Variants in DENND1A observed in about 807,000 individuals in gnomAD.
DENND1A encodes the protein DENN domain-containing protein 1A.
In DENND1A, 51 loss-of-function variants were observed where a neutral mutation model predicts 113.7. The ratio of observed to expected loss-of-function variants is 0.45; its 90% CI spans 0.36 to 0.57. The LOEUF (loss-of-function observed/expected upper bound fraction) is 0.57, where lower values mean the gene tolerates loss of function less well. Ranked by LOEUF, DENND1A falls within the 20% of genes least tolerant of loss-of-function variation. The pLI, the probability that DENND1A is intolerant of heterozygous loss-of-function variation, is 0.00. For missense variants in DENND1A, 1,258 were observed against 1,395.9 expected, an observed-to-expected ratio of 0.90 and a Z score of 1.57; for synonymous variants, 565 against 570.8, an observed-to-expected ratio of 0.99 and a Z score of 0.14.
At chr9:123,680,099 T>C (rs374075064) in intron 5 of DENND1A, among the ~76,000 whole-genome samples, 1 of 152,110 alleles carries the variant, frequency 6.6e-6, no homozygotes, top group African/African-American at 2.4e-5. Context: ...AAGTGCTTTA[T>C]TTAGTTTAGG....
At chr9:123,777,321 C>A (rs1830613545) in intron 3 of DENND1A, among the ~76,000 whole-genome samples, 1 of 152,162 alleles carries the variant, frequency 6.6e-6, no homozygotes, top group Non-Finnish European at 1.5e-5. Flanking sequence ...GTGGATCCCC[C>A]TAGATAGTTG....
chr9:123,773,807 T>G (rs1830078521), intron 3 of DENND1A, among the ~76,000 whole-genome samples: 1 of 152,156 alleles, frequency 6.6e-6, no homozygotes, highest in African/African-American at 2.4e-5. Flanking sequence ...TAGTGTCCAC[T>G]GGAGTTACAG....
intron 13 of DENND1A, among the ~76,000 whole-genome samples, chr9:123,483,194 T>C (rs550007540): frequency 1.2e-4 from 19 of 152,242 alleles, no homozygotes; most frequent in Non-Finnish European, 2.4e-4. Context: ...CTGAGTGCTT[T>C]GGAGAGGCAA....
chr9:123,423,494 T>A (rs2045478071), intron 19 of DENND1A, among the ~76,000 whole-genome samples: 1 of 152,014 alleles, frequency 6.6e-6, no homozygotes, highest in Non-Finnish European at 1.5e-5. Context: ...CCACCTGCAA[T>A]CTCACCACTT....
At chr9:123,409,665 T>A (rs2044149974) in intron 20 of DENND1A, among the ~76,000 whole-genome samples, 1 of 152,060 alleles carries the variant, frequency 6.6e-6, no homozygotes. Context: ...CCTACTTCAC[T>A]GAGCGACTGT....
chr9:123,929,272 C>T (rs535134105), intron 1 of DENND1A, among the ~76,000 whole-genome samples: 1 of 152,314 alleles, frequency 6.6e-6, no homozygotes, highest in Non-Finnish European at 1.5e-5. Flanking sequence ...CAACGATTAT[C>T]AAGAGCAGGT....
chr9:123,539,244 T>C (rs2056092038), intron 13 of DENND1A, among the ~76,000 whole-genome samples: 1 of 151,254 alleles, frequency 6.6e-6, no homozygotes, highest in African/African-American at 2.4e-5. Flanking sequence ...AACTGTCAAT[T>C]AGCAGGAAAT....
chr9:123,789,945 T>C (rs1185753608), intron 3 of DENND1A, among the ~76,000 whole-genome samples: 1 of 151,904 alleles, frequency 6.6e-6, no homozygotes, highest in Non-Finnish European at 1.5e-5. Flanking sequence ...CAAGCACTGG[T>C]AGTTTAGGCG....
Position 123,757,834 on chromosome 9 carries a change from G to A in DENND1A, c.183-12C>T, listed in dbSNP as rs760552937. 1 of 1,612,688 alleles carries A rather than the reference G, an allele frequency of 6.2e-7. No individual in the cohort carries two copies. Among genetic ancestry groups the A allele is most frequent in the Admixed American group, 1.7e-5 (1 of 60,010 alleles). On this transcript the variant is annotated splice_polypyrimidine_tract_variant and intron_variant, in intron 4 of 23. Coordinates refer to ENST00000394215, the MANE Select transcript of DENND1A (RefSeq NM_001352964.2). ...GGCTAACTGTGAGGCTGCAGCAAAG[G>A]CAGAACAAAGGGGAAAATGAATGTG... is the stretch of plus-strand genomic sequence containing the variant.
intron 19 of DENND1A, among the ~76,000 whole-genome samples, chr9:123,421,979 C>T (rs1199582330): frequency 6.6e-6 from 1 of 152,208 alleles, no homozygotes; most frequent in Non-Finnish European, 1.5e-5. Flanking sequence ...CCTATAAGCC[C>T]TTCCCTCACT....
chr9:123,589,136 G>A (rs1198027408), intron 11 of DENND1A, among the ~76,000 whole-genome samples: 1 of 152,058 alleles, frequency 6.6e-6, no homozygotes, highest in East Asian at 1.9e-4. Context: ...ACTTAATTAA[G>A]AACTTTGCGT....
At chr9:123,877,604 A>C (rs1450720100) in intron 2 of DENND1A, among the ~76,000 whole-genome samples, 1 of 152,152 alleles carries the variant, frequency 6.6e-6, no homozygotes, top group Non-Finnish European at 1.5e-5. Flanking sequence ...TGGGTAGATC[A>C]CCTGAGGTCA....
intron 5 of DENND1A, among the ~76,000 whole-genome samples, chr9:123,752,315 T>C (rs1036171471): frequency 6.6e-5 from 10 of 152,208 alleles, no homozygotes; most frequent in Admixed American, 1.3e-4. Context: ...ATATACTAGG[T>C]ACTCAGATAC....
At chr9:123,616,760 G>A (rs775200342) in intron 10 of DENND1A, among the ~76,000 whole-genome samples, 6 of 152,188 alleles carry the variant, frequency 3.9e-5, no homozygotes, top group African/African-American at 1.4e-4. Flanking sequence ...TTTTCAAAAG[G>A]CTCCTGGGGA....
intron 10 of DENND1A, 30 bp from the exon 11 acceptor site, chr9:123,609,511 C>T (rs1164937274): frequency 1.2e-6 from 2 of 1,606,660 alleles, no homozygotes; most frequent in Non-Finnish European, 8.5e-7. Context: ...CACACAGCTG[C>T]TTTAATGTCT....
intron 11 of DENND1A, among the ~76,000 whole-genome samples, chr9:123,602,599 C>T (rs1448548859): frequency 1.3e-5 from 2 of 152,258 alleles, no homozygotes; most frequent in Non-Finnish European, 2.9e-5. Context: ...TCTCCTCCAA[C>T]CCTTTCCCTT....
intron 13 of DENND1A, among the ~76,000 whole-genome samples, chr9:123,484,228 G>A (rs1034563953): frequency 5.3e-5 from 8 of 152,186 alleles, no homozygotes; most frequent in Non-Finnish European, 1.0e-4. Flanking sequence ...AGGAGACAGA[G>A]CTGGGTTTTT....
chr9:123,625,428 C>G (rs2061161680), intron 10 of DENND1A, among the ~76,000 whole-genome samples: 2 of 152,364 alleles, frequency 1.3e-5, no homozygotes, highest in South Asian at 4.1e-4. Context: ...AATTTAGCAA[C>G]CAAAACTTTT....
intron 5 of DENND1A, among the ~76,000 whole-genome samples, chr9:123,719,799 CAA>C (rs1263186965): frequency 1.3e-5 from 2 of 152,076 alleles, no homozygotes; most frequent in Admixed American, 6.5e-5. Flanking sequence ...GTGCAAGAAA[CAA>C]AGTTTTGACT....
Sources: allele counts gnomAD v4.1 joint callset (sites outside exome capture counted in the v4.1 genomes callset), GRCh38; gene constraint gnomAD v4.1.1; transcripts MANE v1.5; gene names NCBI Gene and HGNC (gene_info 2026-07-23, HGNC 2026-07-21).